The following PCDHGA12 variants were observed in gnomAD, a reference collection of about 807,000 sequenced individuals.
The protein encoded by PCDHGA12 is protocadherin gamma-A12.
Under a neutral mutation model 61.1 loss-of-function variants are expected in PCDHGA12, and 43 were observed. The ratio of observed to expected loss-of-function variants is 0.70; its 90% confidence interval spans 0.55 to 0.91. The LOEUF is 0.91. Among genes scored for constraint, PCDHGA12 ranks in the 40% least tolerant of loss-of-function variants. The probability of loss-of-function intolerance (pLI) is 0.00; values close to 1 mark genes in which losing one functional copy is unlikely to be tolerated. For missense variants in PCDHGA12, 1,236 were observed against 1,227.7 expected, an observed-to-expected ratio of 1.01 and a Z score of -0.10; for synonymous variants, 520 against 542.9, an observed-to-expected ratio of 0.96 and a Z score of 0.59.
At chr5:141,497,272 T>G (rs568198729) in intron 2 of PCDHGA12, among the ~76,000 whole-genome samples, 20 of 152,254 alleles carry the variant, frequency 1.3e-4, no homozygotes, top group African/African-American at 4.3e-4. Flanking sequence ...CTAGGCCATT[T>G]ATGTTCCCTC....
At chr5:141,456,936 C>G (rs1012944904) in intron 1 of PCDHGA12, among the ~76,000 whole-genome samples, 20 of 152,190 alleles carry the variant, frequency 1.3e-4, no homozygotes, top group African/African-American at 4.3e-4. Context: ...GCACTCCAGC[C>G]TGGGCAACAG....
intron 1 of PCDHGA12, among the ~76,000 whole-genome samples, chr5:141,436,290 T>C (rs2097808305): frequency 6.6e-6 from 1 of 152,164 alleles, no homozygotes; most frequent in Non-Finnish European, 1.5e-5. Flanking sequence ...GAACAAATCA[T>C]TGAGAGTTAG....
At chr5:141,464,759 ACAGG>A (rs2099090169) in intron 1 of PCDHGA12, among the ~76,000 whole-genome samples, 1 of 152,158 alleles carries the variant, frequency 6.6e-6, no homozygotes, top group Non-Finnish European at 1.5e-5. Context: ...TTTTTTAGAG[ACAGG>A]AATCTTGTTC....
In PCDHGA12 at chr5:141,490,296, G is replaced by T; in HGVS notation, c.2425-4511G>T. The stretch of plus-strand genomic sequence containing the variant: ...ATGACAATGCCCCAGAGGTGCTATT[G>T]GCCTCTTTGGCCAACCCTGTCCTAG... On this transcript the variant is annotated intron_variant, in intron 1 of 3. Coordinates refer to ENST00000252085, the MANE Select transcript of PCDHGA12 (RefSeq NM_003735.3). This position sits in a 1 kb window ranked among gnomAD's most constrained non-coding sequence, Gnocchi z 5.4. 6.2e-7 allele frequency: 1 copy of T among 1,614,184 alleles called. No homozygotes were observed. Among genetic ancestry groups the T allele is most frequent in the South Asian group, 1.1e-5 (1 of 91,084 alleles).
In PCDHGA12 at chr5:141,466,692, A is replaced by G. The variant is rs185786515; in HGVS notation, c.2425-28115A>G. Among the ~76,000 whole-genome samples the G allele has an allele frequency of 3.0e-4, 46 of 152,280 alleles. 1 individual carries two copies. The highest frequency in any genetic ancestry group is 1.0e-3 in the African/African-American group (43 of 41,558). On this transcript the variant is annotated intron_variant, in intron 1 of 3. Coordinates refer to ENST00000252085, the MANE Select transcript of PCDHGA12 (RefSeq NM_003735.3). ...ACCGTTCTTCCACTCAAGCTTCATCATAAATTTGATGTCTGTTCTTGTTTC... is the reference window on the plus strand; with the variant it reads ...ACCGTTCTTCCACTCAAGCTTCATCGTAAATTTGATGTCTGTTCTTGTTTC...
chr5:141,460,791 C>A (rs2098997892), intron 1 of PCDHGA12, among the ~76,000 whole-genome samples: 1 of 151,666 alleles, frequency 6.6e-6, no homozygotes, highest in Non-Finnish European at 1.5e-5. Context: ...TATATACACA[C>A]AAAGTATATA....
At chr5:141,447,650 T>TC (rs1036312126) in intron 1 of PCDHGA12, among the ~76,000 whole-genome samples, 5 of 151,988 alleles carry the variant, frequency 3.3e-5, no homozygotes, top group Non-Finnish European at 5.9e-5. Context: ...GGTAGAATTT[T>TC]CCCCCCCAGG....
Position 141,486,282 on chromosome 5 carries a change from C to G in PCDHGA12, c.2425-8525C>G. On this transcript the variant is annotated intron_variant, in intron 1 of 3. Transcript: ENST00000252085. This position sits in a 1 kb window ranked among gnomAD's most constrained non-coding sequence, Gnocchi z 5.0. ...AGTGCAGAACCTGGCACTGTGGTGG[C>G]ACTTATCAGTGTGCAGGATCCAGAC... The G allele has an allele frequency of 1.2e-6, 2 of 1,614,052 alleles. No homozygotes were observed. The highest frequency in any genetic ancestry group is 1.7e-6 in the Non-Finnish European group (2 of 1,179,992).
chr5:141,505,270 G>A (rs550800630), intron 2 of PCDHGA12, 123 bp from the exon 3 acceptor site: 103 of 1,520,724 alleles, frequency 6.8e-5, no homozygotes, highest in Middle Eastern at 4.6e-4. Context: ...CTTGCTGAGA[G>A]AAACAGGTCT....
chr5:141,439,390 C>T (rs528547728), intron 1 of PCDHGA12, among the ~76,000 whole-genome samples: 1 of 152,266 alleles, frequency 6.6e-6, no homozygotes, highest in South Asian at 2.1e-4. Flanking sequence ...GTCATCACTT[C>T]GACTTCATGT....
chr5:141,434,178 G>C (rs960680568), intron 1 of PCDHGA12, among the ~76,000 whole-genome samples: 1 of 152,178 alleles, frequency 6.6e-6, no homozygotes, highest in African/African-American at 2.4e-5. Flanking sequence ...TTATATCCAA[G>C]ATTTGTAATT....
intron 1 of PCDHGA12, among the ~76,000 whole-genome samples, chr5:141,472,042 T>C (rs2099270232): frequency 2.0e-5 from 3 of 152,146 alleles, no homozygotes; most frequent in African/African-American, 7.2e-5. Context: ...TGTGAAAAGA[T>C]TTTAAAAATG....
At position 141,489,635 on chromosome 5, in the gene PCDHGA12, G is replaced by A. The variant is rs1380466520; in HGVS notation, c.2425-5172G>A. On this transcript the variant is annotated intron_variant, in intron 1 of 3. Coordinates refer to ENST00000252085, the MANE Select transcript of PCDHGA12 (RefSeq NM_003735.3). The surrounding 1 kb of genome is among the most constrained non-coding windows in gnomAD (Gnocchi z 4.5). Reference sequence around the variant, plus strand: ...CTGGATCTCAATGACAACTCTCCTAGCTTTGCCACCCCTGAGCGAGAGATG... The same window carrying A: ...CTGGATCTCAATGACAACTCTCCTAACTTTGCCACCCCTGAGCGAGAGATG... 6.2e-7 allele frequency: 1 copy of A among 1,614,142 alleles called. No individual in the cohort carries two copies. The highest frequency in any genetic ancestry group is 8.5e-7 in the Non-Finnish European group (1 of 1,180,012).
Position 141,491,215 on chromosome 5 carries a change from A to G in PCDHGA12, c.2425-3592A>G, listed in dbSNP as rs546893944. 2.5e-6 allele frequency: 4 copies of G among 1,614,196 alleles called. No individual in the cohort carries two copies. Among genetic ancestry groups the G allele is most frequent in the Non-Finnish European group, 3.4e-6 (4 of 1,180,036 alleles). On this transcript the variant is annotated intron_variant, in intron 1 of 3. Coordinates refer to ENST00000252085, the MANE Select transcript of PCDHGA12 (RefSeq NM_003735.3). This position sits in a 1 kb window ranked among gnomAD's most constrained non-coding sequence, Gnocchi z 6.9. ...CAATGGTGACCCTTCACTCTCCTCC[A>G]CAGCCACAGTGCTGCTGGTTCTGGA...
rs2099702455 is a variant in PCDHGA12, at chr5:141,490,641, G to C, written c.2425-4166G>C. 6.2e-7 allele frequency: 1 copy of C among 1,614,042 alleles called. No homozygotes were observed. Among genetic ancestry groups the C allele is most frequent in the Admixed American group, 1.7e-5 (1 of 60,004 alleles). On this transcript the variant is annotated intron_variant, in intron 1 of 3. Coordinates refer to ENST00000252085, the MANE Select transcript of PCDHGA12 (RefSeq NM_003735.3). The surrounding 1 kb of genome is among the most constrained non-coding windows in gnomAD (Gnocchi z 5.4). ...ACACTGCTTACATCCTAGAAAACCG[G>C]CCTCCGGGCTCCCTTCTTTGCACTG...
At chr5:141,466,022 T>C (rs1053231186) in intron 1 of PCDHGA12, among the ~76,000 whole-genome samples, 4 of 151,628 alleles carry the variant, frequency 2.6e-5, no homozygotes, top group African/African-American at 9.7e-5. Flanking sequence ...CTCGGGAGGG[T>C]GAGGCAGGAG....
At chr5:141,506,188 C>A (rs925159785) in intron 3 of PCDHGA12, among the ~76,000 whole-genome samples, 1 of 152,058 alleles carries the variant, frequency 6.6e-6, no homozygotes, top group Non-Finnish European at 1.5e-5. Flanking sequence ...TGGTGGCTCA[C>A]GCCTGTAATC....
intron 1 of PCDHGA12, among the ~76,000 whole-genome samples, chr5:141,435,539 C>T (rs75717921): frequency 1.3e-5 from 2 of 152,226 alleles, no homozygotes; most frequent in South Asian, 4.1e-4. Flanking sequence ...TCAGAATTAA[C>T]AAAATGTGTT....
chr5:141,477,431 G>T lies in PCDHGA12; in HGVS notation c.2425-17376G>T. 3 of 1,614,080 alleles carry T rather than the reference G, an allele frequency of 1.9e-6. No homozygotes were observed. The highest frequency in any genetic ancestry group is 2.5e-6 in the Non-Finnish European group (3 of 1,180,012). On this transcript the variant is annotated intron_variant, in intron 1 of 3. Transcript: ENST00000252085. This position sits in a 1 kb window ranked among gnomAD's most constrained non-coding sequence, Gnocchi z 4.9. ...AGACGCCGGAACCCCTTCCCTCTCA[G>T]CCCTTACAATAGTGCGTGTTCAAGT...
Sources: gnomAD v4.1 joint callset for allele counts (sites outside exome capture counted in the v4.1 genomes callset) on GRCh38, gnomAD v4.1.1 for gene constraint, Gnocchi (gnomAD v3.1) non-coding constraint, MANE v1.5 for transcripts, NCBI Gene and HGNC (gene_info 2026-07-23, HGNC 2026-07-21) for gene names.